Variants in CBL observed in about 807,000 individuals in gnomAD.
CBL encodes Cbl proto-oncogene.
A neutral mutation model predicts 96.9 loss-of-function variants in CBL; 45 were observed. The ratio of observed to expected loss-of-function variants is 0.46; its 90% CI spans 0.37 to 0.60. The LOEUF is 0.60. Among genes scored for constraint, CBL ranks in the 20% least tolerant of loss-of-function variants. The pLI is 0.00. For missense variants in CBL, 1,024 were observed against 1,143.5 expected (o/e 0.90, Z 1.51); for synonymous variants, 420 against 426.8 (o/e 0.98, Z 0.20).
At chr11:119,261,974 A>T (rs995539526) in intron 2 of CBL, among the ~76,000 whole-genome samples, 2 of 152,164 alleles carry the variant, frequency 1.3e-5, no homozygotes, top group Admixed American at 6.6e-5. Context: ...TGATTTTTTT[A>T]AAAAAGATAT....
intron 2 of CBL, among the ~76,000 whole-genome samples, chr11:119,259,772 A>C (rs1949739275): frequency 6.6e-6 from 1 of 152,230 alleles, no homozygotes; most frequent in Admixed American, 6.5e-5. Context: ...CAACTAAAAA[A>C]TTGGCATCGT....
At chr11:119,266,223 C>A (rs549138585) in intron 2 of CBL, among the ~76,000 whole-genome samples, 1 of 152,078 alleles carries the variant, frequency 6.6e-6, no homozygotes, top group Non-Finnish European at 1.5e-5. Flanking sequence ...TTCCTGTTTC[C>A]TCTTTCTCTT....
At chr11:119,293,372 G>A (rs547847172) in intron 12 of CBL, among the ~76,000 whole-genome samples, 1 of 151,934 alleles carries the variant, frequency 6.6e-6, no homozygotes, top group East Asian at 1.9e-4. Flanking sequence ...CCTCCCAAAG[G>A]GCTGGGATTA....
At chr11:119,275,360 C>T (rs1311176300) in intron 5 of CBL, among the ~76,000 whole-genome samples, 1 of 151,838 alleles carries the variant, frequency 6.6e-6, no homozygotes, top group Admixed American at 6.6e-5. Context: ...ATCACTTGAA[C>T]CTGGGAGGTG....
At position 119,305,646 on chromosome 11, in the gene CBL, T is replaced by C. The variant is rs1347854420; in HGVS notation, c.*5865T>C. ...AGCAGTTGCCAGGATAGAAATTAAA[T>C]ATAGATTCCAGTTTAGGATAGAGTT... On this transcript the variant is annotated 3_prime_UTR_variant, in exon 16 of 16. Transcript: ENST00000264033. 3 of 224,444 alleles carry C rather than the reference T, an allele frequency of 1.3e-5. No homozygotes were observed. Among genetic ancestry groups the C allele is most frequent in the Non-Finnish European group, 2.7e-5 (3 of 112,630 alleles). 13.9% of individuals were successfully genotyped at this position (224,444 alleles called of 1,614,324 possible).
At position 119,302,535 on chromosome 11, in the gene CBL, G is replaced by A. The variant is rs1591272684; in HGVS notation, c.*2754G>A. ...TTGTCCCTTCCTAGTGGCTAATAAA[G>A]TAAAAAAACCCACACTACTTTGTTC... On this transcript the variant is annotated 3_prime_UTR_variant, in exon 16 of 16. Transcript: ENST00000264033. 4.3e-6 allele frequency: 1 copy of A among 231,890 alleles called. No homozygotes were observed. The highest frequency in any genetic ancestry group is 6.1e-5 in the East Asian group (1 of 16,430). 14.4% of individuals were successfully genotyped at this position (231,890 alleles called of 1,614,324 possible). A position where few individuals can be genotyped will look rare whatever the true frequency, so the allele number is the denominator to read the frequency against.
chr11:119,273,433 T>C (rs993455469), intron 3 of CBL, among the ~76,000 whole-genome samples: 1 of 152,172 alleles, frequency 6.6e-6, no homozygotes, highest in Non-Finnish European at 1.5e-5. Context: ...TATTTTTCTT[T>C]TCTTGTTTTG....
intron 11 of CBL, among the ~76,000 whole-genome samples, chr11:119,287,473 A>G (rs1045588189): frequency 2.0e-5 from 3 of 152,202 alleles, no homozygotes; most frequent in African/African-American, 4.8e-5. Context: ...TGTGGGGTGG[A>G]TAGCCTAATT....
chr11:119,251,153 T>C (rs935939338), intron 2 of CBL, among the ~76,000 whole-genome samples: 2 of 152,178 alleles, frequency 1.3e-5, no homozygotes, highest in Non-Finnish European at 2.9e-5. Flanking sequence ...ACTCAACCTA[T>C]CCTTCTTCCC....
chr11:119,287,866 C>T lies in CBL; in HGVS notation c.1956C>T (p.Ser652=), dbSNP rs2135312891. Residue 652 remains serine, a synonymous_variant, in exon 12 of 16, where the codon AGC becomes AGT. Coordinates refer to ENST00000264033, the MANE Select transcript of CBL (RefSeq NM_005188.4). ...TTACTTTCCAGAGTATGAATAGCAGCCCATTAGTAGGTCCAGAGTGTGACC... is the reference window on the plus strand; with the variant it reads ...TTACTTTCCAGAGTATGAATAGCAGTCCATTAGTAGGTCCAGAGTGTGACC... ...SLDTSMSMNS[S]PLVGPECDHP... 1.2e-6 allele frequency: 2 copies of T among 1,610,078 alleles called. No homozygotes were observed. The highest frequency in any genetic ancestry group is 2.2e-5 in the South Asian group (2 of 91,022).
At chr11:119,275,671 T>G (rs1212391608) in intron 5 of CBL, among the ~76,000 whole-genome samples, 1 of 151,980 alleles carries the variant, frequency 6.6e-6, no homozygotes, top group Non-Finnish European at 1.5e-5. Flanking sequence ...AAGACTGGCC[T>G]GGCCAACATG....
At position 119,285,520 on chromosome 11, in the gene CBL, C is replaced by T. The variant is rs1429777415; in HGVS notation, c.1895C>T (p.Pro632Leu). Residue 632 changes from proline to leucine, a missense_variant, in exon 11 of 16, where the codon CCA becomes CTA. Physicochemically the swap from Pro to Leu is moderately conservative, Grantham distance 98. This residue lies in a region of CBL where 695 missense variants were observed against 661.6 expected (regional missense o/e 1.05). Coordinates refer to ENST00000264033, the MANE Select transcript of CBL (RefSeq NM_005188.4). ...FSLPSQMEPR[P>L]DVPRLGSTFS... Reference sequence around the variant, plus strand: ...TTGCCCTCACAAATGGAGCCCAGACCAGATGTGCCTAGGCTCGGAAGCACG... The same window carrying T: ...TTGCCCTCACAAATGGAGCCCAGACTAGATGTGCCTAGGCTCGGAAGCACG... 6 of 1,613,996 alleles carry T rather than the reference C, an allele frequency of 3.7e-6. No individual in the cohort carries two copies. The highest frequency in any genetic ancestry group is 1.1e-5 in the South Asian group (1 of 91,082).
At chr11:119,236,615 A>G (rs1453994346) in intron 2 of CBL, among the ~76,000 whole-genome samples, 2 of 149,006 alleles carry the variant, frequency 1.3e-5, no homozygotes, top group Non-Finnish European at 3.0e-5. Flanking sequence ...ATATATATAT[A>G]TATATATACC....
At chr11:119,240,394 G>A (rs1458740559) in intron 2 of CBL, among the ~76,000 whole-genome samples, 2 of 152,192 alleles carry the variant, frequency 1.3e-5, no homozygotes, top group African/African-American at 2.4e-5. Flanking sequence ...GGATTGAAAT[G>A]TTGCCAGGAC....
chr11:119,242,866 A>G (rs1348739460), intron 2 of CBL, among the ~76,000 whole-genome samples: 1 of 152,044 alleles, frequency 6.6e-6, no homozygotes, highest in Non-Finnish European at 1.5e-5. Context: ...TTTTTCTCTC[A>G]AATCTATTTA....
chr11:119,297,358 A>T, intron 13 of CBL, 26 bp from the exon 14 acceptor site: 1 of 1,539,558 alleles, frequency 6.5e-7, no homozygotes, highest in Non-Finnish European at 9.0e-7. Context: ...TCCAAAGATC[A>T]TTATGGCACT....
At position 119,303,322 on chromosome 11, in the gene CBL, T is replaced by G; in HGVS notation, c.*3541T>G. 4.3e-6 allele frequency: 1 copy of G among 233,292 alleles called. No homozygotes were observed. Among genetic ancestry groups the G allele is most frequent in the Non-Finnish European group, 8.5e-6 (1 of 117,782 alleles). The allele number at this position is 233,292 out of a possible 1,614,324, so 14.5% of individuals were successfully genotyped here. On this transcript the variant is annotated 3_prime_UTR_variant, in exon 16 of 16. Transcript: ENST00000264033. ...TGACTCTGGAATGACCACTGTTCAT[T>G]GAAAAATAGTTTTCTGACTATTGGT... is the stretch of plus-strand genomic sequence containing the variant.
chr11:119,239,188 C>G (rs1411064172), intron 2 of CBL, among the ~76,000 whole-genome samples: 1 of 152,114 alleles, frequency 6.6e-6, no homozygotes, highest in African/African-American at 2.4e-5. Context: ...CCATGCCGGT[C>G]TCAAACTCCT....
chr11:119,258,082 G>A (rs928384675), intron 2 of CBL, among the ~76,000 whole-genome samples: 1 of 152,030 alleles, frequency 6.6e-6, no homozygotes, highest in Admixed American at 6.6e-5. Flanking sequence ...TGAAAAATTA[G>A]CCAGGTGTGG....
Sources: allele counts gnomAD v4.1 joint callset (sites outside exome capture counted in the v4.1 genomes callset), GRCh38; gene constraint gnomAD v4.1.1; regional missense constraint gnomAD v4.1.1; transcripts MANE v1.5; gene names NCBI Gene and HGNC (gene_info 2026-07-23, HGNC 2026-07-21).